The following NRXN3 variants were observed in gnomAD, a reference collection of about 807,000 sequenced individuals.
NRXN3 encodes the protein neurexin III.
In NRXN3, 32 loss-of-function variants were observed where a neutral mutation model predicts 137.6. The observed-to-expected ratio is 0.23, with a 90% CI of 0.18 to 0.31. The LOEUF (loss-of-function observed/expected upper bound fraction) is 0.31, where lower values mean the gene tolerates loss of function less well. NRXN3 is among the 10% of genes least tolerant of loss of function. The probability of loss-of-function intolerance (pLI) is 1.00; values close to 1 mark genes in which losing one functional copy is unlikely to be tolerated. For synonymous variants in NRXN3, 798 were observed against 784.5 expected (o/e 1.02, Z -0.29); for missense variants, 1,574 against 2,062.5 (o/e 0.76, Z 4.59).
chr14:79,396,282 A>T (rs1411952963), intron 15 of NRXN3, among the ~76,000 whole-genome samples: 4 of 152,060 alleles, frequency 2.6e-5, no homozygotes, highest in African/African-American at 9.7e-5. Context: ...ATATATTTAT[A>T]TATGAAATTG....
chr14:79,626,104 T>G (rs1270008986), intron 16 of NRXN3, among the ~76,000 whole-genome samples: 1 of 152,218 alleles, frequency 6.6e-6, no homozygotes, highest in African/African-American at 2.4e-5. Flanking sequence ...TTCATTTTCA[T>G]GTCTCTGTAA....
chr14:78,925,871 T>G (rs924435177), intron 10 of NRXN3, among the ~76,000 whole-genome samples: 7 of 152,210 alleles, frequency 4.6e-5, no homozygotes, highest in African/African-American at 1.2e-4. Flanking sequence ...ATCTGCTGCT[T>G]CTTCTCTGAA....
In NRXN3 at chr14:79,335,576, A is replaced by G. The variant is rs139648236; in HGVS notation, c.3263-131645A>G. Among the ~76,000 whole-genome samples the G allele has an allele frequency of 9.2e-5, 14 of 152,266 alleles. No homozygotes were observed. The East Asian group carries it at 2.7e-3, about 29-fold the overall frequency. ...AAGCTGTCCTAGAATTATACAAAATATACATATATTTTTCCACATCTGAAG... is the reference window on the plus strand; with the variant it reads ...AAGCTGTCCTAGAATTATACAAAATGTACATATATTTTTCCACATCTGAAG... On this transcript the variant is annotated intron_variant, in intron 15 of 20. Coordinates refer to ENST00000335750, the MANE Select transcript of NRXN3 (RefSeq NM_001330195.2).
intron 2 of NRXN3, among the ~76,000 whole-genome samples, chr14:78,263,050 C>T (rs377303085): frequency 0.035 from 5,224 of 150,838 alleles, 271 homozygotes; most frequent in African/African-American, 0.12. Context: ...GGTGAAGTCA[C>T]TTTTTTTTTA....
At chr14:79,085,833 T>C (rs1237821487) in intron 15 of NRXN3, among the ~76,000 whole-genome samples, 1 of 152,180 alleles carries the variant, frequency 6.6e-6, no homozygotes, top group Non-Finnish European at 1.5e-5. Flanking sequence ...CTGAGTATGA[T>C]GAGGAAAAAG....
intron 15 of NRXN3, among the ~76,000 whole-genome samples, chr14:79,194,396 T>C (rs1274618562): frequency 6.6e-6 from 1 of 152,210 alleles, no homozygotes; most frequent in African/African-American, 2.4e-5. Flanking sequence ...CAAATGAACA[T>C]ATTTGGTGTT....
At chr14:79,576,398 G>A (rs2097665213) in intron 16 of NRXN3, among the ~76,000 whole-genome samples, 1 of 152,132 alleles carries the variant, frequency 6.6e-6, no homozygotes, top group Non-Finnish European at 1.5e-5. Context: ...TTTCCCATGT[G>A]CTGATTTGAA....
chr14:78,651,180 G>C lies in NRXN3; in HGVS notation c.1075G>C (p.Asp359His). 1 of 1,613,626 alleles carries C rather than the reference G, an allele frequency of 6.2e-7. No individual in the cohort carries two copies. The highest frequency in any genetic ancestry group is 2.2e-5 in the East Asian group (1 of 44,868). ...CCTCCACCAGGTGACAATCTCTGTG[G>C]ATGGCATTCTTACCACGACGGGCTA... ...RNLRQVTISV[D>H]GILTTTGYTQ... Residue 359 changes from aspartate to histidine, a missense_variant, in exon 6 of 21, where the codon GAT becomes CAT. Around this residue, in one of 5 missense-constraint regions of NRXN3, gnomAD observed 400 missense variants for 527.3 expected, o/e 0.76. Coordinates refer to ENST00000335750, the MANE Select transcript of NRXN3 (RefSeq NM_001330195.2).
intron 16 of NRXN3, among the ~76,000 whole-genome samples, chr14:79,524,066 C>T (rs1167487873): frequency 6.6e-6 from 1 of 152,170 alleles, no homozygotes; most frequent in Non-Finnish European, 1.5e-5. Flanking sequence ...TGAGAACATC[C>T]TTGACAAAAC....
intron 18 of NRXN3, among the ~76,000 whole-genome samples, chr14:79,693,221 A>T (rs2098722727): frequency 6.6e-6 from 1 of 151,988 alleles, no homozygotes; most frequent in Non-Finnish European, 1.5e-5. Flanking sequence ...TTGTCTCAAC[A>T]CCTAAAGGGA....
chr14:79,135,604 T>TC (rs1399712823), intron 15 of NRXN3, among the ~76,000 whole-genome samples: 2 of 152,122 alleles, frequency 1.3e-5, no homozygotes, highest in African/African-American at 2.4e-5. Flanking sequence ...AGTATCTCTC[T>TC]CCCCCTTACA....
chr14:79,486,913 T>TTCTCTC (rs58861355), intron 16 of NRXN3, among the ~76,000 whole-genome samples: 1,483 of 128,406 alleles, frequency 0.012, 41 homozygotes, highest in East Asian at 0.061. Context: ...TCTTTACAGG[T>TTCTCTC]TCTCTCTCTC....
intron 19 of NRXN3, among the ~76,000 whole-genome samples, chr14:79,794,039 G>A (rs908882646): frequency 1.3e-5 from 2 of 152,132 alleles, no homozygotes; most frequent in African/African-American, 4.8e-5. Context: ...AAAACAAGAG[G>A]TCTCTTGCCC....
chr14:79,232,880 A>G (rs1050578575), intron 15 of NRXN3, among the ~76,000 whole-genome samples: 1 of 152,220 alleles, frequency 6.6e-6, no homozygotes, highest in African/African-American at 2.4e-5. Flanking sequence ...ATCTAAACCT[A>G]TGACATAATG....
intron 4 of NRXN3, among the ~76,000 whole-genome samples, chr14:78,407,780 C>T (rs893390015): frequency 3.3e-5 from 5 of 152,170 alleles, no homozygotes; most frequent in Non-Finnish European, 5.9e-5. Context: ...CATTAGTCAA[C>T]GAAGTCGTAT....
At chr14:78,385,409 TAA>T (rs2089819306) in intron 4 of NRXN3, among the ~76,000 whole-genome samples, 2 of 152,058 alleles carry the variant, frequency 1.3e-5, no homozygotes, top group African/African-American at 4.8e-5. Context: ...TAAGTTAATT[TAA>T]AAAGTTATTA....
At position 79,752,643 on chromosome 14, in the gene NRXN3, A is replaced by G. The variant is rs1013975715; in HGVS notation, c.4015-52469A>G. Among the ~76,000 whole-genome samples the G allele has an allele frequency of 3.3e-5, 5 of 152,290 alleles. No homozygotes were observed. The East Asian group carries it at 5.8e-4, about 18-fold the overall frequency. ...GAAGAAAACCAAGGCATTACCATTCAGGACATAGGCATGGGCAAGGACTTC... is the reference window on the plus strand; with the variant it reads ...GAAGAAAACCAAGGCATTACCATTCGGGACATAGGCATGGGCAAGGACTTC... On this transcript the variant is annotated intron_variant, in intron 19 of 20. Transcript: ENST00000335750.
chr14:79,520,206 GATTT>G (rs1371421047), intron 16 of NRXN3, among the ~76,000 whole-genome samples: 3 of 152,078 alleles, frequency 2.0e-5, no homozygotes, highest in African/African-American at 7.2e-5. Flanking sequence ...CCCTATCGCT[GATTT>G]ATTTTTGTTT....
chr14:79,846,600 TTTAAA>T (rs1411924800), intron 20 of NRXN3, among the ~76,000 whole-genome samples: 2 of 152,232 alleles, frequency 1.3e-5, no homozygotes, highest in South Asian at 2.1e-4. Context: ...CTGGAAGGAC[TTTAAA>T]TTAATCTTTT....
Sources: allele counts gnomAD v4.1 joint callset (sites outside exome capture counted in the v4.1 genomes callset), GRCh38; gene constraint gnomAD v4.1.1; regional missense constraint gnomAD v4.1.1; transcripts MANE v1.5; gene names NCBI Gene and HGNC (gene_info 2026-07-23, HGNC 2026-07-21).